PTPRN2: variants seen among roughly 807,000 people sequenced by gnomAD.
The protein encoded by PTPRN2 is receptor-type tyrosine-protein phosphatase N2.
Under a neutral mutation model 118.8 loss-of-function variants are expected in PTPRN2, and 74 were observed. The observed-to-expected ratio is 0.62, with a 90% CI of 0.52 to 0.76. The LOEUF is 0.76. PTPRN2 is among the 30% of genes least tolerant of loss of function. PTPRN2 has a pLI of 0.00. For missense variants in PTPRN2, 1,481 were observed against 1,394.4 expected (o/e 1.06, Z -0.99); for synonymous variants, 641 against 608.0 (o/e 1.05, Z -0.80).
rs868582713 is a variant in PTPRN2, at chr7:158,150,064, A to C, written c.911-11549T>G. 2.0e-4 allele frequency among the ~76,000 whole-genome samples: 31 copies of C among 152,278 alleles called. No individual in the cohort carries two copies. The Middle Eastern group carries it at 0.01, about 50-fold the overall frequency. On this transcript the variant is annotated intron_variant, in intron 6 of 22. Transcript: ENST00000389418. ...AAGGGCATGAATGATAAGAAAACAG[A>C]GTCATCTGAGGGAAGAGGCCGTGGG...
At chr7:157,800,907 G>A (rs958342988) in intron 12 of PTPRN2, among the ~76,000 whole-genome samples, 10 of 151,430 alleles carry the variant, frequency 6.6e-5, no homozygotes, top group African/African-American at 9.7e-5. Context: ...AGCCGAGATC[G>A]CACCACTGCA....
rs1331926477 is a variant in PTPRN2, at chr7:157,817,598, T to C, written c.1788+81075A>G. On this transcript the variant is annotated intron_variant, in intron 12 of 22. Transcript: ENST00000389418. Reference sequence around the variant, plus strand: ...CTCAGGGAAAAGAGGAGAGAATGCATCTGAGAGGACCTGTCGACCAGGGAC... The same window carrying C: ...CTCAGGGAAAAGAGGAGAGAATGCACCTGAGAGGACCTGTCGACCAGGGAC... Among the ~76,000 whole-genome samples, 3 of 152,140 alleles carry C rather than the reference T, an allele frequency of 2.0e-5. No individual in the cohort carries two copies. In the South Asian group the frequency reaches 6.2e-4, roughly 32 times the overall value.
intron 1 of PTPRN2, chr7:158,541,773 G>A (rs1304377601): frequency 1.0e-6 from 1 of 983,466 alleles, no homozygotes; most frequent in Non-Finnish European, 1.2e-6. Context: ...ACGCATAAAA[G>A]GGGAAGTATC....
chr7:157,989,675 G>A lies in PTPRN2; in HGVS notation c.1724-90938C>T, dbSNP rs998400541. On this transcript the variant is annotated intron_variant, in intron 11 of 22. Transcript: ENST00000389418. ...ATTCTGCTGGACACCATGGTCTGGG[G>A]GAGGCAGCGGGGGCGGGTGCCACCT... Among the ~76,000 whole-genome samples, 3 of 152,016 alleles carry A rather than the reference G, an allele frequency of 2.0e-5. No homozygotes were observed. The East Asian group carries it at 5.8e-4, about 30-fold the overall frequency.
chr7:158,160,189 C>A (rs1477045576), intron 6 of PTPRN2, among the ~76,000 whole-genome samples: 1 of 152,158 alleles, frequency 6.6e-6, no homozygotes, highest in African/African-American at 2.4e-5. Flanking sequence ...TAAGGAATAC[C>A]TAGAAATCCA....
chr7:157,612,150 C>T (rs765281432), intron 15 of PTPRN2, among the ~76,000 whole-genome samples: 10 of 152,214 alleles, frequency 6.6e-5, no homozygotes, highest in Non-Finnish European at 1.2e-4. Context: ...GGTGCCTGCA[C>T]GGAGAAAGCG....
intron 2 of PTPRN2, among the ~76,000 whole-genome samples, chr7:158,336,882 A>G (rs111551243): frequency 2.0e-3 from 208 of 102,474 alleles, no homozygotes; most frequent in African/African-American, 6.5e-3. Context: ...CGCACAGGTC[A>G]CTCACACCCA....
chr7:158,400,171 C>T (rs1319750846), intron 2 of PTPRN2, among the ~76,000 whole-genome samples: 2 of 152,072 alleles, frequency 1.3e-5, no homozygotes, highest in African/African-American at 2.4e-5. Flanking sequence ...CCTAAACTTA[C>T]GAGGCCCCCA....
At chr7:157,969,853 A>C (rs1026528470) in intron 11 of PTPRN2, among the ~76,000 whole-genome samples, 77 of 152,118 alleles carry the variant, frequency 5.1e-4, no homozygotes, top group African/African-American at 1.8e-3. Flanking sequence ...TAAGGGAGAG[A>C]GGAGAGGAAG....
rs533453983 is a variant in PTPRN2, at chr7:158,003,098, A to T, written c.1723+78200T>A. 6.6e-6 allele frequency among the ~76,000 whole-genome samples: 1 copy of T among 152,114 alleles called. No homozygotes were observed. Among genetic ancestry groups the T allele is most frequent in the South Asian group, 2.1e-4 (1 of 4,824 alleles). The stretch of plus-strand genomic sequence containing the variant: ...AAGCCCTGAACCCTCATGTGACTGT[A>T]CTTGGGGACAGGGCCTCTAAAGAGG... On this transcript the variant is annotated intron_variant, in intron 11 of 22. Transcript: ENST00000389418. This position sits in a 1 kb window ranked among gnomAD's most constrained non-coding sequence, Gnocchi z 5.0.
intron 9 of PTPRN2, among the ~76,000 whole-genome samples, chr7:158,125,109 C>G (rs963287747): frequency 3.9e-5 from 6 of 152,160 alleles, no homozygotes; most frequent in Admixed American, 2.0e-4. Context: ...GCCGGGCTGG[C>G]GAGACATGGC....
At chr7:158,585,983 G>A (rs1828884298) in intron 1 of PTPRN2, among the ~76,000 whole-genome samples, 1 of 152,254 alleles carries the variant, frequency 6.6e-6, no homozygotes, top group African/African-American at 2.4e-5. Context: ...GGCACCAGGA[G>A]GAGGCAGAGT....
At chr7:158,240,545 C>T (rs531887851) in intron 3 of PTPRN2, among the ~76,000 whole-genome samples, 12 of 152,186 alleles carry the variant, frequency 7.9e-5, no homozygotes, top group African/African-American at 2.2e-4. Flanking sequence ...TCTCCTGCCT[C>T]GGCCTCCCAA....
chr7:158,021,473 C>T (rs540442226), intron 11 of PTPRN2, among the ~76,000 whole-genome samples: 6 of 152,228 alleles, frequency 3.9e-5, no homozygotes, highest in South Asian at 2.1e-4. Flanking sequence ...TATGCACCCA[C>T]GCACACGCAC....
In PTPRN2 at chr7:158,021,653, C is replaced by T. The variant is rs997723787; in HGVS notation, c.1723+59645G>A. ...CCTCTGGAAGAGCCAGCCCTGCCCACATCCTGATCTCTGATGTCCAGCCTG... is the reference window on the plus strand; with the variant it reads ...CCTCTGGAAGAGCCAGCCCTGCCCATATCCTGATCTCTGATGTCCAGCCTG... On this transcript the variant is annotated intron_variant, in intron 11 of 22. Transcript: ENST00000389418. Among the ~76,000 whole-genome samples the T allele has an allele frequency of 2.6e-5, 4 of 152,066 alleles. No individual in the cohort carries two copies. The East Asian group carries it at 7.8e-4, about 29-fold the overall frequency.
intron 3 of PTPRN2, among the ~76,000 whole-genome samples, chr7:158,254,129 C>T (rs906141896): frequency 1.5e-4 from 4 of 25,978 alleles, no homozygotes; most frequent in East Asian, 3.7e-3. Context: ...CACGGCATGA[C>T]CCGCCCTCCA....
At chr7:158,053,063 C>T (rs373757717) in intron 11 of PTPRN2, among the ~76,000 whole-genome samples, 2 of 152,322 alleles carry the variant, frequency 1.3e-5, no homozygotes, top group South Asian at 2.1e-4. Flanking sequence ...TGGGCACAAC[C>T]CCCAGAAGCA....
intron 2 of PTPRN2, among the ~76,000 whole-genome samples, chr7:158,477,860 G>A (rs1820375943): frequency 6.6e-6 from 1 of 152,216 alleles, no homozygotes; most frequent in African/African-American, 2.4e-5. Context: ...CCACGGCCAG[G>A]TTGCTCTTTT....
chr7:158,242,516 T>C (rs1250618327), intron 3 of PTPRN2, among the ~76,000 whole-genome samples: 1 of 152,338 alleles, frequency 6.6e-6, no homozygotes, highest in East Asian at 1.9e-4. Flanking sequence ...AGTGTTTGTC[T>C]GGCTTTGGCA....
Sources: allele counts gnomAD v4.1 joint callset (sites outside exome capture counted in the v4.1 genomes callset), GRCh38; gene constraint gnomAD v4.1.1; non-coding constraint Gnocchi (gnomAD v3.1); transcripts MANE v1.5; gene names NCBI Gene and HGNC (gene_info 2026-07-23, HGNC 2026-07-21).